DNM2: variants seen among roughly 807,000 people sequenced by gnomAD.
DNM2 encodes the protein dynamin 2.
A neutral mutation model predicts 99.0 loss-of-function variants in DNM2; 15 were observed. The observed-to-expected ratio is 0.15, with a 90% CI of 0.10 to 0.23. The LOEUF is 0.23. Among genes scored for constraint, DNM2 ranks in the 10% least tolerant of loss-of-function variants. DNM2 has a pLI of 1.00. For missense variants in DNM2, 742 were observed against 1,189.4 expected (o/e 0.62, Z 5.53); for synonymous variants, 525 against 481.2 (o/e 1.09, Z -1.19).
chr19:10,745,842 G>T (rs558999556), intron 1 of DNM2, among the ~76,000 whole-genome samples: 1 of 152,330 alleles, frequency 6.6e-6, no homozygotes, highest in South Asian at 2.1e-4. Context: ...TTGAGTCCCT[G>T]GTAACCGGAG....
intron 6 of DNM2, among the ~76,000 whole-genome samples, chr19:10,785,142 G>A (rs2071515041): frequency 6.6e-6 from 1 of 151,724 alleles, no homozygotes; most frequent in African/African-American, 2.4e-5. Flanking sequence ...ACCCCAGATG[G>A]AGTCTCGCTC....
chr19:10,743,809 CAAAAAAAAA>C (rs35999203), intron 1 of DNM2, among the ~76,000 whole-genome samples: 8 of 32,650 alleles, frequency 2.5e-4, no homozygotes, highest in East Asian at 1.2e-3. Flanking sequence ...GACTCTGTCT[CAAAAAAAAA>C]AAAAAAAAAA....
intron 11 of DNM2, 118 bp downstream of exon 11, chr19:10,798,690 A>G (rs1013663452): frequency 4.0e-5 from 45 of 1,115,598 alleles, no homozygotes; most frequent in Admixed American, 2.4e-4. Flanking sequence ...CAATCAAGAT[A>G]CAGAGCGGTT....
At chr19:10,819,741 G>A (rs979570431) in intron 15 of DNM2, among the ~76,000 whole-genome samples, 4 of 152,180 alleles carry the variant, frequency 2.6e-5, no homozygotes, top group Non-Finnish European at 5.9e-5. Flanking sequence ...CAGTAGCCCG[G>A]TCGTCCGAAG....
intron 7 of DNM2, among the ~76,000 whole-genome samples, chr19:10,791,552 C>T (rs556909792): frequency 1.4e-4 from 19 of 134,806 alleles, no homozygotes; most frequent in Non-Finnish European, 2.2e-4. Context: ...ACCGACCAGC[C>T]GGTCACAATT....
At chr19:10,749,662 C>G (rs1443458513) in intron 1 of DNM2, among the ~76,000 whole-genome samples, 1 of 152,258 alleles carries the variant, frequency 6.6e-6, no homozygotes, top group Non-Finnish European at 1.5e-5. Flanking sequence ...CCTGGCTCCA[C>G]AGTCTGGATT....
intron 1 of DNM2, among the ~76,000 whole-genome samples, chr19:10,746,303 G>T (rs1411633076): frequency 6.6e-6 from 1 of 151,820 alleles, no homozygotes; most frequent in Non-Finnish European, 1.5e-5. Context: ...GAGGCAGGGA[G>T]TGAGGGGGTG....
intron 18 of DNM2, 58 bp from the exon 19 acceptor site, chr19:10,828,978 T>G: frequency 6.5e-7 from 1 of 1,547,596 alleles, no homozygotes; most frequent in Non-Finnish European, 8.8e-7. Flanking sequence ...CAGCAGTCAC[T>G]GTGGGTTCTG....
At chr19:10,735,663 A>G (rs1004685143) in intron 1 of DNM2, among the ~76,000 whole-genome samples, 2 of 145,502 alleles carry the variant, frequency 1.4e-5, no homozygotes, top group African/African-American at 5.1e-5. Flanking sequence ...ACAGGCGCCC[A>G]CCACCACGCC....
At chr19:10,719,076 G>A (rs557048506) in intron 1 of DNM2, among the ~76,000 whole-genome samples, 1 of 152,246 alleles carries the variant, frequency 6.6e-6, no homozygotes, top group South Asian at 2.1e-4. Flanking sequence ...ACTCCTAGGG[G>A]ACCCTGTTTG....
intron 1 of DNM2, among the ~76,000 whole-genome samples, chr19:10,757,455 C>T (rs1191412828): frequency 6.6e-6 from 1 of 152,164 alleles, no homozygotes; most frequent in African/African-American, 2.4e-5. Context: ...TGGAACCCTC[C>T]AGCACCCTCA....
At chr19:10,827,381 T>G (rs1161501064) in intron 18 of DNM2, among the ~76,000 whole-genome samples, 3 of 152,146 alleles carry the variant, frequency 2.0e-5, no homozygotes, top group Non-Finnish European at 4.4e-5. Context: ...TGGGACATAA[T>G]TATCCATTTT....
chr19:10,794,434 AAAAC>A (rs139297653), intron 8 of DNM2, among the ~76,000 whole-genome samples: 88 of 151,898 alleles, frequency 5.8e-4, no homozygotes, highest in Non-Finnish European at 4.0e-4. Context: ...TTTTATTAAA[AAAAC>A]AAACAGTTTT....
intron 7 of DNM2, among the ~76,000 whole-genome samples, chr19:10,787,417 G>A (rs1022610897): frequency 7.9e-5 from 12 of 151,182 alleles, no homozygotes; most frequent in African/African-American, 1.2e-4. Context: ...CTTTCAGTGA[G>A]TCGAGATTGC....
intron 15 of DNM2, among the ~76,000 whole-genome samples, chr19:10,819,740 G>A (rs965180934): frequency 7.2e-5 from 11 of 152,156 alleles, no homozygotes; most frequent in East Asian, 1.9e-4. Flanking sequence ...GCAGTAGCCC[G>A]GTCGTCCGAA....
chr19:10,730,666 G>A (rs2069282037), intron 1 of DNM2, among the ~76,000 whole-genome samples: 1 of 152,142 alleles, frequency 6.6e-6, no homozygotes, highest in South Asian at 2.1e-4. Context: ...TATATAAAGA[G>A]TAATAACAGT....
intron 12 of DNM2, among the ~76,000 whole-genome samples, chr19:10,804,920 TG>T (rs2077587692): frequency 6.6e-6 from 1 of 152,202 alleles, no homozygotes; most frequent in Admixed American, 6.5e-5. Context: ...TTTTCCATAT[TG>T]TTCTGAAAGT....
chr19:10,729,468 TG>T (rs930730186), intron 1 of DNM2, among the ~76,000 whole-genome samples: 14 of 152,046 alleles, frequency 9.2e-5, no homozygotes, highest in African/African-American at 3.4e-4. Context: ...CTTGTTGGGA[TG>T]GGTGTCCTGC....
intron 1 of DNM2, among the ~76,000 whole-genome samples, chr19:10,719,589 C>T (rs1453160208): frequency 6.6e-6 from 1 of 152,190 alleles, no homozygotes; most frequent in African/African-American, 2.4e-5. Flanking sequence ...ACCTCTCCCT[C>T]CCACCAACCC....
Sources: allele counts gnomAD v4.1 joint callset (sites outside exome capture counted in the v4.1 genomes callset), GRCh38; gene constraint gnomAD v4.1.1; transcripts MANE v1.5; gene names NCBI Gene and HGNC (gene_info 2026-07-23, HGNC 2026-07-21).